ACSM3: variants seen among roughly 807,000 people sequenced by gnomAD.
The protein encoded by ACSM3 is acyl-coenzyme A synthetase ACSM3, mitochondrial.
Under a neutral mutation model 74.1 loss-of-function variants are expected in ACSM3, and 61 were observed. The observed-to-expected ratio is 0.82, with a 90% CI of 0.67 to 1.02. The LOEUF is 1.02. Ranked by LOEUF, ACSM3 falls within the 50% of genes least tolerant of loss-of-function variation. The pLI, the probability that ACSM3 is intolerant of heterozygous loss-of-function variation, is 0.00. For synonymous variants in ACSM3, 213 were observed against 241.5 expected, an observed-to-expected ratio of 0.88 and a Z score of 1.09; for missense variants, 660 against 697.0, an observed-to-expected ratio of 0.95 and a Z score of 0.60.
At chr16:20,706,108 A>G (rs1013421117) in intron 1 of ACSM3, among the ~76,000 whole-genome samples, 17 of 148,926 alleles carry the variant, frequency 1.1e-4, no homozygotes, top group African/African-American at 4.2e-4. Context: ...GTGTGTGTAT[A>G]CATAAAAATT....
At chr16:20,738,252 C>T (rs530837462) in intron 1 of ACSM3, 3 of 482,320 alleles carry the variant, frequency 6.2e-6, no homozygotes, top group South Asian at 4.6e-5. Flanking sequence ...CCAACCGTAA[C>T]ACCATGCTGT....
intron 1 of ACSM3, among the ~76,000 whole-genome samples, chr16:20,717,284 CA>C (rs1179624753): frequency 6.6e-6 from 1 of 152,220 alleles, no homozygotes; most frequent in Non-Finnish European, 1.5e-5. Context: ...CATACTGCAT[CA>C]TGTGCCTAAT....
rs147658348 is a variant in ACSM3 at position 20,792,630 on chromosome 16, G to A, written c.1554+295G>A. On this transcript the variant is annotated intron_variant, in intron 12 of 13. Transcript: ENST00000289416. ...GTGAATGCCAGTAACCCAGGCTCAC[G>A]TCAGGATGGGGTGACAGAAGTCAGC... 3.9e-4 allele frequency: 382 copies of A among 985,376 alleles called. 2 individuals are homozygous for A. The South Asian group carries it at 5.5e-3, about 14-fold the overall frequency. The allele number at this position is 985,376 out of a possible 1,614,324, so 61.0% of individuals were successfully genotyped here. A position where few individuals can be genotyped will look rare whatever the true frequency, so the allele number is the denominator to read the frequency against.
intron 1 of ACSM3, among the ~76,000 whole-genome samples, chr16:20,725,875 A>C (rs941276143): frequency 6.6e-6 from 1 of 152,170 alleles, no homozygotes; most frequent in African/African-American, 2.4e-5. Flanking sequence ...TTGGAGGCTG[A>C]GGCAGGAGAA....
intron 1 of ACSM3, chr16:20,739,111 C>A (rs1290656448): frequency 6.2e-7 from 1 of 1,602,148 alleles, no homozygotes; most frequent in South Asian, 1.1e-5. Flanking sequence ...GACACAACAG[C>A]TCACATTTAA....
chr16:20,782,186 G>A (rs967350046), intron 7 of ACSM3, among the ~76,000 whole-genome samples: 1 of 152,106 alleles, frequency 6.6e-6, no homozygotes, highest in Non-Finnish European at 1.5e-5. Flanking sequence ...AGGGTTCATT[G>A]GTAATCCAAA....
chr16:20,736,794 GT>G, intron 1 of ACSM3: 1 of 1,382,070 alleles, frequency 7.2e-7, no homozygotes, highest in Non-Finnish European at 9.9e-7. Context: ...ATAAAAAACT[GT>G]TTTTAGTCAC....
At chr16:20,695,719 C>T (rs1192775986) in intron 1 of ACSM3, among the ~76,000 whole-genome samples, 2 of 151,786 alleles carry the variant, frequency 1.3e-5, no homozygotes, top group Non-Finnish European at 2.9e-5. Context: ...ATATAAGAAC[C>T]TGATCTCCAA....
In ACSM3 at chr16:20,797,563, A is replaced by G. The variant is rs1022049501; in HGVS notation, c.*591A>G. The stretch of plus-strand genomic sequence containing the variant: ...TGTTGCTTATTATATGTAATCTAAT[A>G]AATACTGTTTACAAAAGATTACACT... On this transcript the variant is annotated 3_prime_UTR_variant, in exon 14 of 14. Coordinates refer to ENST00000289416, the MANE Select transcript of ACSM3 (RefSeq NM_005622.4). 3 of 1,274,946 alleles carry G rather than the reference A, an allele frequency of 2.4e-6. No homozygotes were observed. The African/African-American group carries it at 4.6e-5, about 20-fold the overall frequency. The allele number at this position is 1,274,946 out of a possible 1,614,324, so 79.0% of individuals were successfully genotyped here.
At chr16:20,739,759 T>G (rs1408792173) in intron 1 of ACSM3, among the ~76,000 whole-genome samples, 1 of 151,304 alleles carries the variant, frequency 6.6e-6, no homozygotes, top group Non-Finnish European at 1.5e-5. Flanking sequence ...AGGCAGATAT[T>G]GCAGTGAGCT....
intron 1 of ACSM3, chr16:20,682,243 A>T (rs1186736105): frequency 1.2e-6 from 2 of 1,611,380 alleles, no homozygotes; most frequent in Admixed American, 3.3e-5. Flanking sequence ...TATTCATCAG[A>T]CCAGAGACTC....
At chr16:20,700,281 C>T (rs1349081304) in intron 1 of ACSM3, among the ~76,000 whole-genome samples, 1 of 152,104 alleles carries the variant, frequency 6.6e-6, no homozygotes, top group Non-Finnish European at 1.5e-5. Context: ...AAGGTTGGTG[C>T]TCTCAAGAGG....
intron 1 of ACSM3, chr16:20,738,308 T>C: frequency 3.1e-6 from 1 of 325,884 alleles, no homozygotes; most frequent in Non-Finnish European, 5.9e-6. Flanking sequence ...CACACTTTTT[T>C]ACAAAAAAAA....
chr16:20,769,996 C>T lies in ACSM3; in HGVS notation c.-39C>T. 6.3e-7 allele frequency: 1 copy of T among 1,597,364 alleles called. No individual in the cohort carries two copies. Among genetic ancestry groups the T allele is most frequent in the Non-Finnish European group, 8.6e-7 (1 of 1,165,088 alleles). On this transcript the variant is annotated 5_prime_UTR_variant, in exon 2 of 14. Coordinates refer to ENST00000289416, the MANE Select transcript of ACSM3 (RefSeq NM_005622.4). ...GCTTGTCTTTTAGATGAACTGGTCT[C>T]TGTGCAAATCCTGAGTGCTAAAGCT...
At chr16:20,685,895 T>C (rs2079546693) in intron 1 of ACSM3, among the ~76,000 whole-genome samples, 2 of 150,836 alleles carry the variant, frequency 1.3e-5, no homozygotes, top group Admixed American at 1.3e-4. Context: ...GCGGGACTTC[T>C]GGCCTACTGT....
At chr16:20,787,699 G>A (rs1377253211) in intron 9 of ACSM3, among the ~76,000 whole-genome samples, 1 of 152,188 alleles carries the variant, frequency 6.6e-6, no homozygotes, top group Non-Finnish European at 1.5e-5. Context: ...TAACCTTGCT[G>A]TGGAAACCTG....
At chr16:20,730,106 C>A (rs1325737116) in intron 1 of ACSM3, among the ~76,000 whole-genome samples, 1 of 152,156 alleles carries the variant, frequency 6.6e-6, no homozygotes, top group African/African-American at 2.4e-5. Flanking sequence ...GCTGATCGGC[C>A]AGACTTGGAT....
At chr16:20,705,759 A>G (rs1006428506) in intron 1 of ACSM3, among the ~76,000 whole-genome samples, 11 of 152,220 alleles carry the variant, frequency 7.2e-5, no homozygotes, top group Non-Finnish European at 2.9e-5. Flanking sequence ...ACATCAATGA[A>G]GAAAACTAAA....
chr16:20,765,531 G>C (rs2080116446), intron 1 of ACSM3, among the ~76,000 whole-genome samples: 2 of 152,084 alleles, frequency 1.3e-5, no homozygotes, highest in South Asian at 4.1e-4. Flanking sequence ...ATTCTATTCA[G>C]AATCAGCAAG....
Sources: gnomAD v4.1 joint callset for allele counts (sites outside exome capture counted in the v4.1 genomes callset) on GRCh38, gnomAD v4.1.1 for gene constraint, MANE v1.5 for transcripts, NCBI Gene and HGNC (gene_info 2026-07-23, HGNC 2026-07-21) for gene names.